GOLPH3L: variants seen among roughly 807,000 people sequenced by gnomAD.
The protein encoded by GOLPH3L is golgi phosphoprotein 3 like.
In GOLPH3L, 22 loss-of-function variants were observed where a neutral mutation model predicts 30.3. The ratio of observed to expected loss-of-function variants is 0.73; its 90% CI spans 0.52 to 1.04. The LOEUF (loss-of-function observed/expected upper bound fraction) is 1.04. Ranked by LOEUF, GOLPH3L falls within the 50% of genes least tolerant of loss-of-function variation. The pLI is 0.00. For synonymous variants in GOLPH3L, 120 were observed against 128.2 expected (o/e 0.94, Z 0.43); for missense variants, 303 against 345.8 (o/e 0.88, Z 0.98).
rs758161979 is a variant in GOLPH3L at position 150,648,687 on chromosome 1, T to G, written c.492A>C (p.Ala164=). The G allele has an allele frequency of 6.2e-7, 1 of 1,612,772 alleles. No individual in the cohort carries two copies. The highest frequency in any genetic ancestry group is 8.5e-7 in the Non-Finnish European group (1 of 1,178,726). The part of the protein sequence containing the change: ...YQLRNVRERI[A]KNLVEKGILT... Reference sequence around the variant, plus strand: ...GAATACCTTTCTCTACTAGGTTCTTTGCGATGCGCTCTCGTACATTTCTCA... The same window carrying G: ...GAATACCTTTCTCTACTAGGTTCTTGGCGATGCGCTCTCGTACATTTCTCA... Residue 164 remains alanine, a synonymous_variant, in exon 5 of 5, where the codon GCA becomes GCC. Coordinates refer to ENST00000271732, the MANE Select transcript of GOLPH3L (RefSeq NM_018178.6).
chr1:150,670,781 CT>C (rs988902785), intron 2 of GOLPH3L, among the ~76,000 whole-genome samples: 2 of 152,058 alleles, frequency 1.3e-5, no homozygotes, highest in Non-Finnish European at 2.9e-5. Flanking sequence ...TGAGTGGTAA[CT>C]TTTTTCATTA....
chr1:150,669,660 G>A (rs917694441), intron 2 of GOLPH3L, among the ~76,000 whole-genome samples: 4 of 152,138 alleles, frequency 2.6e-5, no homozygotes, highest in African/African-American at 9.7e-5. Flanking sequence ...TCAGATAGTG[G>A]ACTTTAATAT....
intron 2 of GOLPH3L, among the ~76,000 whole-genome samples, chr1:150,688,947 T>A (rs1350507203): frequency 6.6e-6 from 1 of 152,168 alleles, no homozygotes; most frequent in Non-Finnish European, 1.5e-5. Flanking sequence ...TGGCTTCTAC[T>A]CCCAGCATCT....
At chr1:150,656,259 GA>G (rs1473092315) in intron 4 of GOLPH3L, among the ~76,000 whole-genome samples, 1 of 152,124 alleles carries the variant, frequency 6.6e-6, no homozygotes, top group African/African-American at 2.4e-5. Flanking sequence ...CCTACTTGGG[GA>G]CCTTAGTAAA....
chr1:150,652,093 T>C (rs914644894), intron 4 of GOLPH3L, among the ~76,000 whole-genome samples: 2 of 151,902 alleles, frequency 1.3e-5, no homozygotes, highest in Non-Finnish European at 2.9e-5. Flanking sequence ...CACATCACAG[T>C]GGAACTTTGT....
chr1:150,660,512 C>T (rs1004959790), intron 4 of GOLPH3L, among the ~76,000 whole-genome samples: 1 of 132,326 alleles, frequency 7.6e-6, no homozygotes, highest in African/African-American at 2.5e-5. Flanking sequence ...TTCACAATAG[C>T]CAAAAGGTGG....
chr1:150,673,523 A>G (rs1006625389), intron 2 of GOLPH3L, among the ~76,000 whole-genome samples: 8 of 151,796 alleles, frequency 5.3e-5, no homozygotes, highest in African/African-American at 1.9e-4. Flanking sequence ...CTGAGATCGC[A>G]CCACTGCACT....
chr1:150,653,952 G>A (rs1029246896), intron 4 of GOLPH3L, among the ~76,000 whole-genome samples: 5 of 151,074 alleles, frequency 3.3e-5, no homozygotes, highest in African/African-American at 7.3e-5. Context: ...CAGTACAGAC[G>A]GGGTTTCACC....
At chr1:150,676,430 CA>C (rs1199822410) in intron 2 of GOLPH3L, among the ~76,000 whole-genome samples, 1 of 151,824 alleles carries the variant, frequency 6.6e-6, no homozygotes, top group Non-Finnish European at 1.5e-5. Flanking sequence ...TAATTTCATC[CA>C]AAAAATACTG....
chr1:150,694,185 G>A, intron 2 of GOLPH3L: 1 of 444,828 alleles, frequency 2.2e-6, no homozygotes, highest in East Asian at 8.0e-5. Context: ...TTATAAAGAT[G>A]CACAGAGGAA....
chr1:150,692,852 G>A (rs894626925), intron 2 of GOLPH3L, among the ~76,000 whole-genome samples: 5 of 152,132 alleles, frequency 3.3e-5, no homozygotes, highest in Non-Finnish European at 7.3e-5. Context: ...AGTGCATAAG[G>A]TCAGCAGGAA....
At chr1:150,683,873 T>G (rs921375872) in intron 2 of GOLPH3L, among the ~76,000 whole-genome samples, 1 of 152,124 alleles carries the variant, frequency 6.6e-6, no homozygotes, top group Non-Finnish European at 1.5e-5. Context: ...CTTCATAACC[T>G]ATTTTTTCTA....
chr1:150,653,120 A>C (rs1431951295), intron 4 of GOLPH3L, among the ~76,000 whole-genome samples: 1 of 151,252 alleles, frequency 6.6e-6, no homozygotes, highest in Non-Finnish European at 1.5e-5. Context: ...CTTTGTCTAA[A>C]AAAACAAAAC....
chr1:150,693,000 C>T (rs587732702), intron 2 of GOLPH3L, among the ~76,000 whole-genome samples: 4 of 152,254 alleles, frequency 2.6e-5, no homozygotes, highest in East Asian at 1.9e-4. Context: ...ATCTTCAGTC[C>T]TATTCTGACA....
chr1:150,651,581 G>A (rs1301995792), intron 4 of GOLPH3L, among the ~76,000 whole-genome samples: 51 of 149,592 alleles, frequency 3.4e-4, no homozygotes, highest in African/African-American at 1.2e-3. Context: ...CCCAGGAGGC[G>A]GAGGTTGCAA....
At chr1:150,675,486 C>A (rs1461762158) in intron 2 of GOLPH3L, among the ~76,000 whole-genome samples, 1 of 152,004 alleles carries the variant, frequency 6.6e-6, no homozygotes, top group African/African-American at 2.4e-5. Flanking sequence ...TCTCCCAACC[C>A]CAATTCTGGG....
At chr1:150,657,255 A>G (rs1437169909) in intron 4 of GOLPH3L, among the ~76,000 whole-genome samples, 1 of 152,252 alleles carries the variant, frequency 6.6e-6, no homozygotes, top group Admixed American at 6.5e-5. Context: ...CGGACATTTA[A>G]CTGAAGGGAA....
intron 2 of GOLPH3L, among the ~76,000 whole-genome samples, chr1:150,673,521 G>A (rs1650691395): frequency 6.6e-6 from 1 of 151,282 alleles, no homozygotes; most frequent in East Asian, 2.0e-4. Context: ...AGCTGAGATC[G>A]CACCACTGCA....
intron 4 of GOLPH3L, among the ~76,000 whole-genome samples, chr1:150,654,200 C>T (rs1270375330): frequency 6.6e-6 from 1 of 151,730 alleles, no homozygotes; most frequent in Non-Finnish European, 1.5e-5. Context: ...CTTATAATAA[C>T]TGAAATAAAA....
Sources: gnomAD v4.1 joint callset for allele counts (sites outside exome capture counted in the v4.1 genomes callset) on GRCh38, gnomAD v4.1.1 for gene constraint, MANE v1.5 for transcripts, NCBI Gene and HGNC (gene_info 2026-07-23, HGNC 2026-07-21) for gene names.